ITGA8: variants seen among roughly 807,000 people sequenced by gnomAD.
ITGA8 encodes the protein integrin subunit alpha 8.
ITGA8 carries 91 observed loss-of-function variants against 142.3 expected under a neutral mutation model. The observed-to-expected ratio is 0.64, with a 90% CI of 0.54 to 0.76. The LOEUF is 0.76. Among genes scored for constraint, ITGA8 ranks in the 30% least tolerant of loss-of-function variants. The pLI is 0.00. For synonymous variants in ITGA8, 505 were observed against 485.2 expected (o/e 1.04, Z -0.54); for missense variants, 1,406 against 1,327.7 (o/e 1.06, Z -0.92).
chr10:15,610,984 A>G (rs1224698759), intron 15 of ITGA8, among the ~76,000 whole-genome samples: 1 of 152,222 alleles, frequency 6.6e-6, no homozygotes, highest in Admixed American at 6.5e-5. Context: ...AGAAATACCA[A>G]TTAAAGATAG....
At chr10:15,604,099 G>T (rs1427324906) in intron 20 of ITGA8, 109 bp downstream of exon 20, 5 of 942,694 alleles carry the variant, frequency 5.3e-6, no homozygotes, top group Non-Finnish European at 8.2e-6. Context: ...GTATCATTTT[G>T]CTGTCTTTCA....
At chr10:15,571,381 T>C (rs1010037280) in intron 25 of ITGA8, among the ~76,000 whole-genome samples, 1 of 152,260 alleles carries the variant, frequency 6.6e-6, no homozygotes, top group Non-Finnish European at 1.5e-5. Flanking sequence ...ACGTTCGTTC[T>C]TACATGAAGT....
In ITGA8 at chr10:15,517,023, GAT is replaced by G; in HGVS notation, c.*133_*134del. On this transcript the variant is annotated 3_prime_UTR_variant, in exon 30 of 30. Coordinates refer to ENST00000378076, the MANE Select transcript of ITGA8 (RefSeq NM_003638.3). The stretch of plus-strand genomic sequence containing the variant: ...CTCCAAAGTGCGGTGTAGATGAGGT[GAT>G]GTTTCCAGGGTCCCCTCCATTTCCT... The G allele has an allele frequency of 1.3e-4, 57 of 454,948 alleles. No individual in the cohort carries two copies. Among genetic ancestry groups the G allele is most frequent in the South Asian group, 4.7e-4 (11 of 23,178 alleles). 28.2% of individuals were successfully genotyped at this position (454,948 alleles called of 1,614,324 possible).
chr10:15,536,122 C>G (rs1833430385), intron 27 of ITGA8, among the ~76,000 whole-genome samples: 1 of 152,140 alleles, frequency 6.6e-6, no homozygotes, highest in African/African-American at 2.4e-5. Flanking sequence ...AACTGTAACA[C>G]TCATCGCGAG....
chr10:15,597,249 C>A lies in ITGA8; in HGVS notation c.2169G>T (p.Met723Ile). 1 of 1,614,058 alleles carries A rather than the reference C, an allele frequency of 6.2e-7. No homozygotes were observed. Among genetic ancestry groups the A allele is most frequent in the Non-Finnish European group, 8.5e-7 (1 of 1,179,980 alleles). ...TAGGGTTCCCAAGGTCACACACCAC[C>A]ATCCTGGTTACATTTTCCATCTTGT... ...CEYKMENVTR[M>I]VVCDLGNPMV... Residue 723 changes from methionine to isoleucine, a missense_variant, in exon 21 of 30, where the codon ATG becomes ATT. Physicochemically the swap from Met to Ile is conservative, Grantham distance 10. Transcript: ENST00000378076.
intron 13 of ITGA8, among the ~76,000 whole-genome samples, chr10:15,641,189 GACT>G (rs1479097803): frequency 6.6e-6 from 1 of 152,170 alleles, no homozygotes; most frequent in Non-Finnish European, 1.5e-5. Flanking sequence ...GCGTAGCTGG[GACT>G]ACAGGTGCAT....
At chr10:15,533,739 CA>C (rs2131544604) in intron 27 of ITGA8, among the ~76,000 whole-genome samples, 1 of 152,312 alleles carries the variant, frequency 6.6e-6, no homozygotes, top group African/African-American at 2.4e-5. Flanking sequence ...ACAGATTCTG[CA>C]TTTATAAATG....
chr10:15,622,592 C>G (rs980284426), intron 13 of ITGA8, among the ~76,000 whole-genome samples: 2 of 21,800 alleles, frequency 9.2e-5, no homozygotes, highest in Non-Finnish European at 6.7e-4. Context: ...CAAAACAAAA[C>G]AAAACAAAAC....
chr10:15,686,291 T>G (rs1834831545), intron 3 of ITGA8, among the ~76,000 whole-genome samples: 1 of 152,206 alleles, frequency 6.6e-6, no homozygotes, highest in African/African-American at 2.4e-5. Flanking sequence ...TGTAAAGTCT[T>G]GGCCAATACC....
At chr10:15,617,760 A>T (rs917095704) in intron 13 of ITGA8, among the ~76,000 whole-genome samples, 2 of 150,932 alleles carry the variant, frequency 1.3e-5, no homozygotes, top group African/African-American at 2.4e-5. Flanking sequence ...CACAAATAAA[A>T]ATGACAATGG....
rs548588916 is a variant in ITGA8 at position 15,527,957 on chromosome 10, C to T, written c.2982+3093G>A. On this transcript the variant is annotated intron_variant, in intron 28 of 29. Transcript: ENST00000378076. ...TTGAGACAGGTTCTTGCTCTGTTGCCCAGGCTGGAGTGCAGTGGCGTGATC... is the reference window on the plus strand; with the variant it reads ...TTGAGACAGGTTCTTGCTCTGTTGCTCAGGCTGGAGTGCAGTGGCGTGATC... Among the ~76,000 whole-genome samples, 855 of 135,214 alleles carry T rather than the reference C, an allele frequency of 6.3e-3. 9 individuals are homozygous for T. Among genetic ancestry groups the T allele is most frequent in the African/African-American group, 0.023 (785 of 33,412 alleles). The allele number at this position is 135,214 out of a possible 152,430, so 88.7% of individuals were successfully genotyped here.
intron 15 of ITGA8, 164 bp downstream of exon 15, chr10:15,613,496 C>T (rs916220287): frequency 7.7e-6 from 5 of 648,346 alleles, no homozygotes; most frequent in African/African-American, 5.4e-5. Flanking sequence ...GCTACTCAAA[C>T]TTCGGCCACA....
intron 9 of ITGA8, among the ~76,000 whole-genome samples, chr10:15,660,206 TGTGACTTGTGCAGTC>T (rs1834258921): frequency 6.6e-6 from 1 of 152,336 alleles, no homozygotes; most frequent in African/African-American, 2.4e-5. Flanking sequence ...CTTGTGGGTA[TGTGACTTGTGCAGTC>T]ACACAGGACC....
At chr10:15,559,020 C>T (rs1833930941) in intron 25 of ITGA8, among the ~76,000 whole-genome samples, 1 of 152,156 alleles carries the variant, frequency 6.6e-6, no homozygotes, top group African/African-American at 2.4e-5. Context: ...TCTTTGTAGT[C>T]ACAGGAGCAA....
At chr10:15,535,396 C>T (rs547252569) in intron 27 of ITGA8, among the ~76,000 whole-genome samples, 24 of 152,334 alleles carry the variant, frequency 1.6e-4, no homozygotes, top group East Asian at 1.9e-4. Context: ...GCCAGCTGGG[C>T]TCCTGACTGG....
chr10:15,632,633 G>A (rs78751669), intron 13 of ITGA8, among the ~76,000 whole-genome samples: 4,135 of 152,236 alleles, frequency 0.027, 182 homozygotes, highest in African/African-American at 0.095. Flanking sequence ...GATAGCAATT[G>A]TAGCACTCTT....
chr10:15,563,091 G>A (rs769067124), intron 25 of ITGA8, among the ~76,000 whole-genome samples: 10 of 135,822 alleles, frequency 7.4e-5, no homozygotes, highest in Admixed American at 2.3e-4. Context: ...CTTTCACCAT[G>A]TGAAGTGCCT....
intron 26 of ITGA8, among the ~76,000 whole-genome samples, chr10:15,553,124 G>C (rs1833821755): frequency 6.6e-6 from 1 of 152,138 alleles, no homozygotes; most frequent in Non-Finnish European, 1.5e-5. Flanking sequence ...GGGCATGGTG[G>C]TGGGCACCTG....
chr10:15,546,760 GAGAA>G (rs1031807818), intron 27 of ITGA8, among the ~76,000 whole-genome samples: 9 of 147,968 alleles, frequency 6.1e-5, no homozygotes, highest in African/African-American at 2.0e-4. Context: ...AGAAAAGAGA[GAGAA>G]AGAAAAGAGA....
Sources: allele counts gnomAD v4.1 joint callset (sites outside exome capture counted in the v4.1 genomes callset), GRCh38; gene constraint gnomAD v4.1.1; transcripts MANE v1.5; gene names NCBI Gene and HGNC (gene_info 2026-07-23, HGNC 2026-07-21).